TECRL: variants seen among roughly 807,000 people sequenced by gnomAD.
TECRL encodes the protein trans-2,3-enoyl-CoA reductase-like.
TECRL carries 63 observed loss-of-function variants against 52.8 expected under a neutral mutation model. That is an observed-to-expected ratio of 1.19 (90% CI 0.97 to 1.47). The LOEUF is 1.47. Ranked by LOEUF, TECRL falls within the 40% of genes most tolerant of loss-of-function variation. The pLI is 0.00. For synonymous variants in TECRL, 164 were observed against 141.9 expected (o/e 1.16, Z -1.10); for missense variants, 482 against 429.6 (o/e 1.12, Z -1.08).
At chr4:64,358,742 G>A (rs1196878626) in intron 2 of TECRL, among the ~76,000 whole-genome samples, 1 of 151,604 alleles carries the variant, frequency 6.6e-6, no homozygotes, top group Non-Finnish European at 1.5e-5. Flanking sequence ...TTTAAAAATT[G>A]TTTTTATAAA....
At chr4:64,287,135 A>G (rs573356807) in intron 9 of TECRL, among the ~76,000 whole-genome samples, 1 of 152,138 alleles carries the variant, frequency 6.6e-6, no homozygotes, top group Non-Finnish European at 1.5e-5. Context: ...CTACAACAGC[A>G]TTGGCCTTAC....
intron 8 of TECRL, among the ~76,000 whole-genome samples, chr4:64,297,098 ATAT>A (rs1345450193): frequency 2.6e-5 from 4 of 151,678 alleles, no homozygotes; most frequent in African/African-American, 9.6e-5. Flanking sequence ...ATTTTACAAC[ATAT>A]TATGTATACA....
chr4:64,327,671 C>A (rs1718354197), intron 3 of TECRL, among the ~76,000 whole-genome samples: 1 of 151,934 alleles, frequency 6.6e-6, no homozygotes, highest in African/African-American at 2.4e-5. Context: ...ACATACAGTT[C>A]TCAGAGAACG....
At chr4:64,282,612 T>C (rs1415440430) in intron 9 of TECRL, among the ~76,000 whole-genome samples, 1 of 151,972 alleles carries the variant, frequency 6.6e-6, no homozygotes, top group Admixed American at 6.6e-5. Context: ...AGTTACTGAA[T>C]TTCAGAGGCA....
At chr4:64,336,930 A>T (rs1031686408) in intron 2 of TECRL, among the ~76,000 whole-genome samples, 1 of 152,148 alleles carries the variant, frequency 6.6e-6, no homozygotes, top group Non-Finnish European at 1.5e-5. Flanking sequence ...ACATCCAACT[A>T]TGTGGTCAAT....
intron 2 of TECRL, among the ~76,000 whole-genome samples, chr4:64,345,397 G>A (rs774689551): frequency 6.6e-6 from 1 of 152,004 alleles, no homozygotes; most frequent in South Asian, 2.1e-4. Flanking sequence ...CATGTCCTTT[G>A]TAGGGACATG....
At chr4:64,332,352 GT>G (rs1007073692) in intron 2 of TECRL, among the ~76,000 whole-genome samples, 3 of 152,142 alleles carry the variant, frequency 2.0e-5, no homozygotes, top group Non-Finnish European at 4.4e-5. Flanking sequence ...CTCCATCCCT[GT>G]TTGAATTAAA....
intron 8 of TECRL, among the ~76,000 whole-genome samples, chr4:64,291,386 T>G (rs1309527280): frequency 6.6e-6 from 1 of 152,078 alleles, no homozygotes; most frequent in East Asian, 1.9e-4. Context: ...TTGTTACATT[T>G]CTGTTTAGTC....
chr4:64,333,598 G>A (rs955483296), intron 2 of TECRL, among the ~76,000 whole-genome samples: 5 of 152,218 alleles, frequency 3.3e-5, no homozygotes, highest in African/African-American at 1.2e-4. Flanking sequence ...CAACCATAAT[G>A]TACAAAATGG....
At chr4:64,363,475 G>T (rs1031965004) in intron 2 of TECRL, among the ~76,000 whole-genome samples, 10 of 152,108 alleles carry the variant, frequency 6.6e-5, no homozygotes, top group Non-Finnish European at 1.2e-4. Flanking sequence ...ACCCAACAAA[G>T]GAGACAGGGT....
At chr4:64,349,358 C>G (rs187865906) in intron 2 of TECRL, among the ~76,000 whole-genome samples, 47 of 151,998 alleles carry the variant, frequency 3.1e-4, no homozygotes, top group African/African-American at 1.1e-3. Flanking sequence ...GTCTCAAACT[C>G]CTGACTTCGT....
At chr4:64,296,600 T>A (rs1033835448) in intron 8 of TECRL, among the ~76,000 whole-genome samples, 5 of 151,756 alleles carry the variant, frequency 3.3e-5, no homozygotes, top group African/African-American at 1.2e-4. Context: ...TTTGGTAAAA[T>A]CCTCATTCTG....
rs543051538 is a variant in TECRL at position 64,309,516 on chromosome 4, C to A, written c.657+310G>T. 3.3e-5 allele frequency among the ~76,000 whole-genome samples: 5 copies of A among 152,184 alleles called. No individual in the cohort carries two copies. In the East Asian group the frequency reaches 9.7e-4, roughly 29 times the overall value. Reference sequence around the variant, plus strand: ...TATATTTGTAGGAACGTTCTTATATCATATTCTGCTCTTCAAGTGGCACTC... The same window carrying A: ...TATATTTGTAGGAACGTTCTTATATAATATTCTGCTCTTCAAGTGGCACTC... On this transcript the variant is annotated intron_variant, in intron 6 of 11. Transcript: ENST00000381210.
intron 2 of TECRL, among the ~76,000 whole-genome samples, chr4:64,374,025 CAT>C (rs1175141902): frequency 0.015 from 794 of 51,978 alleles, 15 homozygotes; most frequent in African/African-American, 0.046. Flanking sequence ...ATAGTAGATA[CAT>C]ATATATATAT....
chr4:64,361,192 G>A (rs1389451776), intron 2 of TECRL, among the ~76,000 whole-genome samples: 17 of 152,128 alleles, frequency 1.1e-4, no homozygotes, highest in Admixed American at 1.1e-3. Flanking sequence ...ATCCACCAGA[G>A]TGCTTTTGCA....
intron 4 of TECRL, among the ~76,000 whole-genome samples, chr4:64,316,183 T>C (rs563063409): frequency 5.9e-5 from 9 of 152,242 alleles, no homozygotes; most frequent in African/African-American, 2.2e-4. Context: ...GAATATAAAA[T>C]GTTGTGTACA....
intron 8 of TECRL, among the ~76,000 whole-genome samples, chr4:64,290,364 G>A (rs1723312906): frequency 6.6e-6 from 1 of 152,074 alleles, no homozygotes; most frequent in Non-Finnish European, 1.5e-5. Context: ...GACTAATAAT[G>A]TTCCCAGTTT....
At chr4:64,348,182 G>C (rs187118575) in intron 2 of TECRL, among the ~76,000 whole-genome samples, 6 of 152,272 alleles carry the variant, frequency 3.9e-5, no homozygotes, top group African/African-American at 1.4e-4. Context: ...CCACATGGCT[G>C]AGGAGGTCTC....
In TECRL at chr4:64,394,907, ATT is replaced by A. The variant is rs751448355; in HGVS notation, c.234+14209_234+14210del. 6.8e-3 allele frequency among the ~76,000 whole-genome samples: 719 copies of A among 105,072 alleles called. 4 individuals are homozygous for A. The highest frequency in any genetic ancestry group is 0.024 in the African/African-American group (606 of 24,808). The allele number at this position is 105,072 out of a possible 152,430, so 68.9% of individuals were successfully genotyped here. On this transcript the variant is annotated intron_variant, in intron 1 of 11. Transcript: ENST00000381210. ...GTTACAAGTCAAAAAATTAACAAGC[ATT>A]TTTTTTTTTTTTTTTTTTTTTGAGA... is the stretch of plus-strand genomic sequence containing the variant.
Sources: gnomAD v4.1 joint callset for allele counts (sites outside exome capture counted in the v4.1 genomes callset) on GRCh38, gnomAD v4.1.1 for gene constraint, MANE v1.5 for transcripts, NCBI Gene and HGNC (gene_info 2026-07-23, HGNC 2026-07-21) for gene names.